The following CFAP61 variants were observed in gnomAD, a reference collection of about 807,000 sequenced individuals.
CFAP61 encodes the protein cilia and flagella associated protein 61.
In CFAP61, 107 loss-of-function variants were observed where a neutral mutation model predicts 135.6. The ratio of observed to expected loss-of-function variants is 0.79; its 90% CI spans 0.67 to 0.93. The LOEUF is 0.93. Ranked by LOEUF, CFAP61 falls within the 40% of genes least tolerant of loss-of-function variation. CFAP61 has a pLI of 0.00. For missense variants in CFAP61, 1,507 were observed against 1,556.2 expected, an observed-to-expected ratio of 0.97 and a Z score of 0.53; for synonymous variants, 575 against 578.5, an observed-to-expected ratio of 0.99 and a Z score of 0.09.
At chr20:20,289,270 T>C (rs560615593) in intron 23 of CFAP61, among the ~76,000 whole-genome samples, 7 of 152,310 alleles carry the variant, frequency 4.6e-5, no homozygotes, top group Non-Finnish European at 1.0e-4. Flanking sequence ...CCTGACATCT[T>C]ACCCAAAACT....
chr20:20,164,935 A>ATTCCCCT (rs2053703357), intron 11 of CFAP61, among the ~76,000 whole-genome samples: 3 of 152,240 alleles, frequency 2.0e-5, no homozygotes, highest in Non-Finnish European at 4.4e-5. Context: ...GTTTCCCCTT[A>ATTCCCCT]TAAAACCATG....
intron 3 of CFAP61, among the ~76,000 whole-genome samples, chr20:20,071,772 A>G (rs1289884841): frequency 6.6e-6 from 1 of 152,140 alleles, no homozygotes; most frequent in African/African-American, 2.4e-5. Flanking sequence ...ACCCGTAAGC[A>G]TATTATTCAG....
intron 10 of CFAP61, among the ~76,000 whole-genome samples, chr20:20,160,583 G>T (rs969286618): frequency 1.3e-5 from 2 of 152,166 alleles, no homozygotes; most frequent in Non-Finnish European, 2.9e-5. Context: ...GTGGGGCAGG[G>T]TCTCCCCACT....
intron 8 of CFAP61, among the ~76,000 whole-genome samples, chr20:20,118,964 G>A (rs2049396324): frequency 6.6e-6 from 1 of 151,932 alleles, no homozygotes; most frequent in African/African-American, 2.4e-5. Context: ...CTGTAGGTAT[G>A]TAACATTGTG....
intron 18 of CFAP61, among the ~76,000 whole-genome samples, chr20:20,244,024 G>A (rs1014077800): frequency 1.3e-5 from 2 of 152,204 alleles, no homozygotes; most frequent in African/African-American, 2.4e-5. Context: ...TCATATCCAG[G>A]TCATGCTGAT....
intron 18 of CFAP61, among the ~76,000 whole-genome samples, chr20:20,233,966 C>T (rs1045680309): frequency 2.0e-5 from 3 of 152,246 alleles, no homozygotes; most frequent in East Asian, 3.9e-4. Flanking sequence ...CATGATCACA[C>T]AAAGCACAAA....
At chr20:20,215,932 G>A (rs1458837634) in intron 17 of CFAP61, among the ~76,000 whole-genome samples, 2 of 152,084 alleles carry the variant, frequency 1.3e-5, no homozygotes, top group South Asian at 4.1e-4. Flanking sequence ...CCTCAAAAGT[G>A]GCATTAATTT....
intron 7 of CFAP61, among the ~76,000 whole-genome samples, chr20:20,097,604 A>G (rs1276022398): frequency 6.6e-6 from 1 of 152,206 alleles, no homozygotes; most frequent in African/African-American, 2.4e-5. Context: ...CAAGGTTCAG[A>G]TCAGCTAGTT....
At chr20:20,052,966 A>C (rs12624829) in intron 1 of CFAP61, among the ~76,000 whole-genome samples, 12,148 of 152,230 alleles carry the variant, frequency 0.08, 1,358 homozygotes, top group East Asian at 0.6. Context: ...TGGAATTAAA[A>C]ATAACAGAAG....
At chr20:20,117,083 C>T (rs1056314431) in intron 8 of CFAP61, among the ~76,000 whole-genome samples, 3 of 152,164 alleles carry the variant, frequency 2.0e-5, no homozygotes, top group African/African-American at 7.2e-5. Flanking sequence ...TAGCCAGGCA[C>T]AGTGGCTCAC....
chr20:20,099,276 G>C (rs1486840721), intron 8 of CFAP61, among the ~76,000 whole-genome samples: 1 of 152,028 alleles, frequency 6.6e-6, no homozygotes, highest in African/African-American at 2.4e-5. Context: ...ATGTAGTATA[G>C]GTCTGTTGCA....
rs76657216 is a variant in CFAP61 at position 20,063,538 on chromosome 20, A to G, written c.143+6742A>G. Among the ~76,000 whole-genome samples the G allele has an allele frequency of 4.8e-3, 729 of 152,348 alleles. 2 individuals carry two copies. The highest frequency in any genetic ancestry group is 6.9e-3 in the Non-Finnish European group (469 of 68,024). On this transcript the variant is annotated intron_variant, in intron 2 of 26. Transcript: ENST00000245957. ...TAAACAGAGACAAAATCATTCGATA[A>G]AATGCAATATTCTTAGTAATAATTC...
intron 13 of CFAP61, among the ~76,000 whole-genome samples, chr20:20,177,450 T>A (rs1282675600): frequency 6.6e-6 from 1 of 151,838 alleles, no homozygotes; most frequent in African/African-American, 2.4e-5. Flanking sequence ...CCACCCTCCC[T>A]CCATCCTGAA....
chr20:20,201,348 C>T (rs552227855), intron 17 of CFAP61, among the ~76,000 whole-genome samples: 2 of 152,334 alleles, frequency 1.3e-5, no homozygotes, highest in South Asian at 2.1e-4. Context: ...CAATGATTTG[C>T]AACTCCTTAG....
intron 8 of CFAP61, among the ~76,000 whole-genome samples, chr20:20,138,628 A>G (rs2051127885): frequency 6.6e-6 from 1 of 152,222 alleles, no homozygotes; most frequent in Non-Finnish European, 1.5e-5. Context: ...TGCCCTCTTC[A>G]GTGCCTCTTT....
intron 11 of CFAP61, among the ~76,000 whole-genome samples, chr20:20,165,289 C>T (rs375029293): frequency 6.6e-5 from 10 of 152,306 alleles, no homozygotes; most frequent in African/African-American, 1.2e-4. Context: ...CCTGAGCCAA[C>T]GGCTGTGACA....
At chr20:20,246,823 G>A (rs117180879) in intron 19 of CFAP61, among the ~76,000 whole-genome samples, 1 of 152,326 alleles carries the variant, frequency 6.6e-6, no homozygotes, top group East Asian at 1.9e-4. Context: ...AAGGAGGAAG[G>A]AAATTGTTCC....
chr20:20,177,431 T>G (rs1274740725), intron 13 of CFAP61, among the ~76,000 whole-genome samples: 3 of 152,006 alleles, frequency 2.0e-5, no homozygotes, highest in Non-Finnish European at 4.4e-5. Context: ...TTGGTTTCTT[T>G]CCTTTCTTCC....
chr20:20,123,430 C>T (rs1200771838), intron 8 of CFAP61, among the ~76,000 whole-genome samples: 2 of 151,398 alleles, frequency 1.3e-5, no homozygotes, highest in Non-Finnish European at 2.9e-5. Context: ...TTGGTTTTTC[C>T]AAGGTGAGAG....
Sources: allele counts gnomAD v4.1 joint callset (sites outside exome capture counted in the v4.1 genomes callset), GRCh38; gene constraint gnomAD v4.1.1; transcripts MANE v1.5; gene names NCBI Gene and HGNC (gene_info 2026-07-23, HGNC 2026-07-21).